The following CAPZB variants were observed in gnomAD, a reference collection of about 807,000 sequenced individuals.
The protein encoded by CAPZB is capping actin protein of muscle Z-line subunit beta, also known as F-actin-capping protein subunit beta.
A neutral mutation model predicts 38.1 loss-of-function variants in CAPZB; 2 were observed. The observed-to-expected ratio is 0.05, with a 90% confidence interval of 0.02 to 0.17. CAPZB has a LOEUF of 0.17. CAPZB is among the 10% of genes least tolerant of loss of function. The pLI is 1.00. For synonymous variants in CAPZB, 107 were observed against 127.4 expected (o/e 0.84, Z 1.08); for missense variants, 161 against 334.2 (o/e 0.48, Z 4.04).
chr1:19,339,310 G>T lies in CAPZB; in HGVS notation c.*220C>A. ...ACCACACGGTCTCTATGGAAATGTG[G>T]AGAGAACTGAGAGCGAGGTGTGGCA... On this transcript the variant is annotated 3_prime_UTR_variant, in exon 9 of 9. Transcript: ENST00000264202. The T allele has an allele frequency of 1.7e-6, 1 of 594,688 alleles. No homozygotes were observed. The allele number at this position is 594,688 out of a possible 1,614,324, so 36.8% of individuals were successfully genotyped here.
At chr1:19,451,487 C>T (rs775780515) in intron 1 of CAPZB, among the ~76,000 whole-genome samples, 9 of 152,000 alleles carry the variant, frequency 5.9e-5, no homozygotes, top group South Asian at 2.1e-4. Context: ...GAGGAAAGGA[C>T]GGTAATGGGT....
chr1:19,376,737 G>A (rs914113993), intron 4 of CAPZB, among the ~76,000 whole-genome samples: 14 of 152,208 alleles, frequency 9.2e-5, no homozygotes, highest in African/African-American at 3.1e-4. Context: ...TGTGGTGAGG[G>A]CAGGGGCCTC....
At chr1:19,430,764 C>T (rs1205698550) in intron 1 of CAPZB, among the ~76,000 whole-genome samples, 6 of 152,172 alleles carry the variant, frequency 3.9e-5, no homozygotes, top group Non-Finnish European at 5.9e-5. Flanking sequence ...ATCCCTGAGC[C>T]GTGCACTGAA....
At chr1:19,345,149 G>GGTGAA (rs1326591656) in intron 7 of CAPZB, 38 bp downstream of exon 7, 4 of 1,526,366 alleles carry the variant, frequency 2.6e-6, no homozygotes, top group Non-Finnish European at 3.6e-6. Context: ...CACTGCTGTG[G>GGTGAA]GTCACTGCAG....
chr1:19,369,682 C>A (rs1484648234), intron 4 of CAPZB, among the ~76,000 whole-genome samples: 4 of 152,228 alleles, frequency 2.6e-5, no homozygotes, highest in Non-Finnish European at 5.9e-5. Context: ...CCTCTGGAGG[C>A]CTTTACATCT....
rs1379158320 is a variant in CAPZB, at chr1:19,357,010, C to G, written c.472-259G>C. On this transcript the variant is annotated intron_variant, in intron 5 of 8. Transcript: ENST00000264202. The surrounding 1 kb of genome is among the most constrained non-coding windows in gnomAD (Gnocchi z 4.3). ...CCAAGTAGCTGGGATTATGGGCGCC[C>G]GCCACCACGCCTGGCTAATGTTTTT... is the stretch of plus-strand genomic sequence containing the variant. Among the ~76,000 whole-genome samples the G allele has an allele frequency of 1.3e-5, 2 of 152,016 alleles. No homozygotes were observed. Among genetic ancestry groups the G allele is most frequent in the African/African-American group, 4.8e-5 (2 of 41,396 alleles).
Position 19,370,576 on chromosome 1 carries a change from A to G in CAPZB, c.329+7964T>C, listed in dbSNP as rs1168305162. Among the ~76,000 whole-genome samples the G allele has an allele frequency of 2.6e-5, 4 of 152,180 alleles. No homozygotes were observed. The East Asian group carries it at 7.7e-4, about 29-fold the overall frequency. ...CTGTACTACTAAGCACCCTCTACCT[A>G]GCACATGGTGAAATTTCAGATGCCC... On this transcript the variant is annotated intron_variant, in intron 4 of 8. Coordinates refer to ENST00000264202, the MANE Select transcript of CAPZB (RefSeq NM_004930.5).
chr1:19,415,350 C>T (rs554807846), intron 2 of CAPZB, among the ~76,000 whole-genome samples: 1 of 152,316 alleles, frequency 6.6e-6, no homozygotes, highest in Admixed American at 6.5e-5. Flanking sequence ...GAGACAAAGG[C>T]CTGGATCCTT....
intron 2 of CAPZB, among the ~76,000 whole-genome samples, chr1:19,403,693 C>T (rs2094315259): frequency 6.6e-6 from 1 of 152,200 alleles, no homozygotes; most frequent in African/African-American, 2.4e-5. Context: ...TTATAACACT[C>T]CAGTAATGCA....
intron 4 of CAPZB, among the ~76,000 whole-genome samples, chr1:19,358,859 G>A (rs1289543577): frequency 6.6e-6 from 1 of 152,232 alleles, no homozygotes; most frequent in Non-Finnish European, 1.5e-5. Flanking sequence ...GGACAGCTGG[G>A]AAGGTGGGCC....
chr1:19,433,117 G>A (rs1476984053), intron 1 of CAPZB, among the ~76,000 whole-genome samples: 2 of 152,214 alleles, frequency 1.3e-5, no homozygotes, highest in African/African-American at 4.8e-5. Flanking sequence ...TTTCACAGAT[G>A]TCTACAGCTG....
At chr1:19,458,058 T>C (rs2094538494) in intron 1 of CAPZB, among the ~76,000 whole-genome samples, 1 of 136,746 alleles carries the variant, frequency 7.3e-6, no homozygotes, top group South Asian at 2.3e-4. Flanking sequence ...TGACCACAAC[T>C]AATCAAAAAC....
chr1:19,365,695 G>T (rs576625457), intron 4 of CAPZB, among the ~76,000 whole-genome samples: 13 of 152,166 alleles, frequency 8.5e-5, no homozygotes, highest in Admixed American at 8.5e-4. Flanking sequence ...TTAGTCGGGC[G>T]TGGTGGTGCA....
At chr1:19,393,918 C>T (rs1461032584) in intron 2 of CAPZB, among the ~76,000 whole-genome samples, 1 of 152,278 alleles carries the variant, frequency 6.6e-6, no homozygotes, top group African/African-American at 2.4e-5. Flanking sequence ...CCCCCGCCTG[C>T]CAGGGCCACA....
chr1:19,419,533 C>T, intron 2 of CAPZB, 128 bp downstream of exon 2: 1 of 636,242 alleles, frequency 1.6e-6, no homozygotes. Flanking sequence ...ATCTCATAGT[C>T]CAGTGGCATG....
intron 4 of CAPZB, among the ~76,000 whole-genome samples, chr1:19,362,997 A>G (rs2094061894): frequency 3.3e-5 from 5 of 152,216 alleles, no homozygotes; most frequent in Admixed American, 3.3e-4. Flanking sequence ...GCTTGCGTCC[A>G]CTGAAGAGCT....
intron 1 of CAPZB, among the ~76,000 whole-genome samples, chr1:19,441,122 TCCACG>T (rs1327852258): frequency 1.1e-4 from 16 of 152,168 alleles, no homozygotes; most frequent in African/African-American, 3.9e-4. Context: ...ATGCAGAAAG[TCCACG>T]AAATTTGAAA....
intron 1 of CAPZB, among the ~76,000 whole-genome samples, chr1:19,460,640 T>G (rs998582602): frequency 1.4e-5 from 2 of 141,510 alleles, no homozygotes; most frequent in Non-Finnish European, 3.0e-5. Context: ...CTCAAGCTCC[T>G]GAGCTCAAGC....
intron 6 of CAPZB, among the ~76,000 whole-genome samples, chr1:19,355,275 C>T (rs919826094): frequency 1.6e-4 from 24 of 152,282 alleles, no homozygotes; most frequent in South Asian, 1.5e-3. Flanking sequence ...GGGCGGATCA[C>T]TTGAGGTCAG....
Sources: gnomAD v4.1 joint callset for allele counts (sites outside exome capture counted in the v4.1 genomes callset) on GRCh38, gnomAD v4.1.1 for gene constraint, Gnocchi (gnomAD v3.1) non-coding constraint, MANE v1.5 for transcripts, NCBI Gene and HGNC (gene_info 2026-07-23, HGNC 2026-07-21) for gene names.